The following SPATA6 variants were observed in gnomAD, a reference collection of about 807,000 sequenced individuals.
SPATA6 encodes spermatogenesis-associated protein 6.
SPATA6 carries 56 observed loss-of-function variants against 65.3 expected under a neutral mutation model. That is an observed-to-expected ratio of 0.86 (90% CI 0.69 to 1.07). SPATA6 has a LOEUF of 1.07. Among genes scored for constraint, SPATA6 ranks in the 50% least tolerant of loss-of-function variants. The probability of loss-of-function intolerance (pLI) is 0.00; values close to 1 mark genes in which losing one functional copy is unlikely to be tolerated. For missense variants in SPATA6, 590 were observed against 594.8 expected, an observed-to-expected ratio of 0.99 and a Z score of 0.08; for synonymous variants, 199 against 213.2, an observed-to-expected ratio of 0.93 and a Z score of 0.58.
intron 3 of SPATA6, among the ~76,000 whole-genome samples, chr1:48,438,109 T>C (rs1180596133): frequency 1.3e-5 from 2 of 152,130 alleles, no homozygotes; most frequent in South Asian, 2.1e-4. Context: ...GGAAGCTTTG[T>C]TCTTTTGCTC....
the SPATA6 span, among the ~76,000 whole-genome samples, chr1:48,264,781 G>A: frequency 1.3e-5 from 2 of 152,172 alleles, no homozygotes; most frequent in Admixed American, 6.5e-5. Context: ...TGGGCATTTG[G>A]GTTGGTTCCA....
chr1:48,431,480 C>T (rs1471274176), intron 3 of SPATA6, among the ~76,000 whole-genome samples: 1 of 152,096 alleles, frequency 6.6e-6, no homozygotes, highest in Admixed American at 6.6e-5. Flanking sequence ...ATATTTTTCT[C>T]AAGTATATAT....
intron 3 of SPATA6, among the ~76,000 whole-genome samples, chr1:48,421,615 A>G (rs1204592116): frequency 4.6e-5 from 7 of 152,160 alleles, no homozygotes; most frequent in Non-Finnish European, 7.4e-5. Context: ...ATGACTGAAT[A>G]TAAGATAAAT....
chr1:48,262,450 T>C, the SPATA6 span: 1 of 152,142 alleles, frequency 6.6e-6, no homozygotes, highest in Non-Finnish European at 1.5e-5. Flanking sequence ...ACTTGCACAT[T>C]GCGTAAGTAG....
chr1:48,444,266 C>A (rs545764991), intron 3 of SPATA6, among the ~76,000 whole-genome samples: 2 of 151,928 alleles, frequency 1.3e-5, no homozygotes, highest in East Asian at 3.9e-4. Context: ...TGTAAAAACA[C>A]ACCAATCAGC....
chr1:48,393,576 CATT>C (rs1570433421), intron 8 of SPATA6, among the ~76,000 whole-genome samples: 3 of 152,136 alleles, frequency 2.0e-5, no homozygotes, highest in African/African-American at 7.2e-5. Context: ...ATTATTATAT[CATT>C]GTTAATCTGC....
At chr1:48,288,268 T>A in the SPATA6 span, among the ~76,000 whole-genome samples, 5 of 152,180 alleles carry the variant, frequency 3.3e-5, no homozygotes, top group African/African-American at 1.2e-4. Flanking sequence ...TTTCTTGAAG[T>A]GTCTTTGGAA....
intron 1 of SPATA6, among the ~76,000 whole-genome samples, chr1:48,459,783 A>C (rs921937308): frequency 3.9e-5 from 6 of 152,210 alleles, no homozygotes; most frequent in African/African-American, 1.4e-4. Flanking sequence ...TTCTCTAACC[A>C]GAATGAAATT....
At chr1:48,361,058 T>C (rs114736055) in intron 9 of SPATA6, among the ~76,000 whole-genome samples, 3,816 of 152,280 alleles carry the variant, frequency 0.025, 125 homozygotes, top group Admixed American at 0.092. Context: ...TTCAATATAT[T>C]ACAGCAGAGT....
chr1:48,368,963 T>C (rs534899143), intron 9 of SPATA6, among the ~76,000 whole-genome samples: 3 of 152,310 alleles, frequency 2.0e-5, no homozygotes, highest in South Asian at 4.1e-4. Context: ...GATGTACAGA[T>C]GGGTTTTTGG....
intron 9 of SPATA6, among the ~76,000 whole-genome samples, chr1:48,371,027 T>G (rs1022534416): frequency 6.6e-6 from 1 of 152,222 alleles, no homozygotes. Context: ...CAAGAAAGGA[T>G]AATTATAGGC....
intron 8 of SPATA6, among the ~76,000 whole-genome samples, chr1:48,394,556 T>C (rs1237949670): frequency 6.6e-6 from 1 of 152,030 alleles, no homozygotes; most frequent in African/African-American, 2.4e-5. Flanking sequence ...CTGCACCTTT[T>C]CAGAAAAGAA....
chr1:48,469,105 C>CT (rs1354071228), intron 1 of SPATA6, among the ~76,000 whole-genome samples: 4 of 152,168 alleles, frequency 2.6e-5, no homozygotes, highest in African/African-American at 9.6e-5. Context: ...GTAGCTGGAA[C>CT]TACAGGTGCC....
At chr1:48,424,688 C>T (rs553410816) in intron 3 of SPATA6, among the ~76,000 whole-genome samples, 9 of 152,282 alleles carry the variant, frequency 5.9e-5, no homozygotes, top group South Asian at 4.1e-4. Flanking sequence ...ATTTTAACTA[C>T]GGTGAGACAA....
chr1:48,305,832 C>T lies in SPATA6; in HGVS notation c.1241G>A (p.Ser414Asn). 6.2e-7 allele frequency: 1 copy of T among 1,612,324 alleles called. No individual in the cohort carries two copies. The highest frequency in any genetic ancestry group is 2.2e-5 in the East Asian group (1 of 44,686). Residue 414 changes from serine (S) to asparagine (N), a missense_variant, in exon 12 of 13, where the codon AGT (serine) becomes AAT (asparagine). By Grantham distance (46) the Ser-to-Asn change is conservative. Transcript: ENST00000371847. The stretch of plus-strand genomic sequence containing the variant: ...ATAGGCAGAGTCTCTACATAAAAGA[C>T]TTCTTTTCAGTTCCAGTTCATCATC... ...EKDDELELKRSLLCRDSAYDS... is the reference protein window; with the variant it reads ...EKDDELELKRNLLCRDSAYDS...
chr1:48,439,021 G>C (rs956506078), intron 3 of SPATA6, among the ~76,000 whole-genome samples: 5 of 152,090 alleles, frequency 3.3e-5, no homozygotes, highest in African/African-American at 7.2e-5. Flanking sequence ...AGGACAAAAG[G>C]CATCACCCTT....
At chr1:48,393,234 T>G (rs1257144720) in intron 8 of SPATA6, 1 of 152,132 alleles carries the variant, frequency 6.6e-6, no homozygotes, top group East Asian at 1.9e-4. Flanking sequence ...ACATCCCCAG[T>G]AGTGGAGAAA....
chr1:48,381,503 T>C (rs1215848028), intron 9 of SPATA6, among the ~76,000 whole-genome samples: 1 of 152,090 alleles, frequency 6.6e-6, no homozygotes, highest in Non-Finnish European at 1.5e-5. Flanking sequence ...ATACTTCTTT[T>C]ATCATAGTTA....
At chr1:48,467,652 G>C (rs1657911963) in intron 1 of SPATA6, among the ~76,000 whole-genome samples, 1 of 152,052 alleles carries the variant, frequency 6.6e-6, no homozygotes, top group South Asian at 2.1e-4. Flanking sequence ...ATACAGAATG[G>C]AGAAAATCTG....
Sources: gnomAD v4.1 joint callset for allele counts (sites outside exome capture counted in the v4.1 genomes callset) on GRCh38, gnomAD v4.1.1 for gene constraint, MANE v1.5 for transcripts, NCBI Gene and HGNC (gene_info 2026-07-23, HGNC 2026-07-21) for gene names.